PRR14L: variants seen among roughly 807,000 people sequenced by gnomAD.
PRR14L encodes the protein proline rich 14 like, also known as protein PRR14L.
A neutral mutation model predicts 155.0 loss-of-function variants in PRR14L; 80 were observed. That is an observed-to-expected ratio of 0.52 (90% CI 0.43 to 0.62). PRR14L has a LOEUF of 0.62. Among genes scored for constraint, PRR14L ranks in the 20% least tolerant of loss-of-function variants. The probability of loss-of-function intolerance (pLI) is 0.00; values close to 1 mark genes in which losing one functional copy is unlikely to be tolerated. For missense variants in PRR14L, 2,469 were observed against 2,548.0 expected, an observed-to-expected ratio of 0.97 and a Z score of 0.67; for synonymous variants, 883 against 916.0, an observed-to-expected ratio of 0.96 and a Z score of 0.65.
chr22:31,687,501 G>A (rs987250395), intron 8 of PRR14L, among the ~76,000 whole-genome samples: 5 of 151,346 alleles, frequency 3.3e-5, no homozygotes, highest in Admixed American at 1.3e-4. Context: ...TTACAGGTGT[G>A]AGCCACCATG....
chr22:31,749,339 G>A (rs2074858947), intron 1 of PRR14L, among the ~76,000 whole-genome samples: 1 of 152,150 alleles, frequency 6.6e-6, no homozygotes, highest in East Asian at 1.9e-4. Context: ...AGAAGCGAGG[G>A]TCTCTCTGTG....
At chr22:31,717,535 A>G (rs2074667082) in intron 3 of PRR14L, among the ~76,000 whole-genome samples, 1 of 152,216 alleles carries the variant, frequency 6.6e-6, no homozygotes, top group South Asian at 2.1e-4. Flanking sequence ...TTTAATACAG[A>G]GTTCACAGAT....
rs1248321521 is a variant in PRR14L, at chr22:31,729,207, A to AATTT, written c.475-3601_475-3598dup. On this transcript the variant is annotated intron_variant, in intron 2 of 8. Transcript: ENST00000327423. ...TCAAATCCCAAAATTATTAGTTGCA[A>AATTT]ATTTATTTATTTATTTATTTTTGAG... is the stretch of plus-strand genomic sequence containing the variant. Among the ~76,000 whole-genome samples, 18 of 152,142 alleles carry AATTT rather than the reference A, an allele frequency of 1.2e-4. No individual in the cohort carries two copies. In the South Asian group the frequency reaches 2.1e-3, roughly 18 times the overall value.
rs567744893 is a variant in PRR14L, at chr22:31,685,109, C to A, written c.*418G>T. On this transcript the variant is annotated 3_prime_UTR_variant, in exon 9 of 9. Transcript: ENST00000327423. The stretch of plus-strand genomic sequence containing the variant: ...ACGCCAGGTCCCCCTCCCTAGGCCA[C>A]GTTTCTAATAATCTTGGTCTAGCAC... 6.9e-5 allele frequency: 12 copies of A among 173,020 alleles called. No individual in the cohort carries two copies. Among genetic ancestry groups the A allele is most frequent in the Admixed American group, 6.0e-4 (11 of 18,316 alleles). The allele number at this position is 173,020 out of a possible 1,614,324, so 10.7% of individuals were successfully genotyped here. A position where few individuals can be genotyped will look rare whatever the true frequency, so the allele number is the denominator to read the frequency against.
At position 31,713,173 on chromosome 22, in the gene PRR14L, G is replaced by C; in HGVS notation, c.4666C>G (p.Pro1556Ala). The change falls in exon 4 of 9, where the codon CCC (proline) becomes GCC (alanine). Residue 1556 changes from proline (P) to alanine (A), a missense_variant. This residue lies in a region of PRR14L where 2,363 missense variants were observed against 2,371.6 expected (regional missense o/e 1.00). Transcript: ENST00000327423. Reference sequence around the variant, plus strand: ...AGTCTGTGCGCTTTTGTGGGGATGGGATTGGAAGAACTCTTTAAAAAGGCA... The same window carrying C: ...AGTCTGTGCGCTTTTGTGGGGATGGCATTGGAAGAACTCTTTAAAAAGGCA... Reference protein sequence around the residue: ...SSAFLKSSSNPIPTKAHRLLS... With the variant: ...SSAFLKSSSNAIPTKAHRLLS... 2 of 1,551,930 alleles carry C rather than the reference G, an allele frequency of 1.3e-6. No homozygotes were observed. Among genetic ancestry groups the C allele is most frequent in the South Asian group, 1.2e-5 (1 of 84,054 alleles).
intron 4 of PRR14L, among the ~76,000 whole-genome samples, chr22:31,707,438 T>C (rs1048392936): frequency 6.6e-6 from 1 of 152,164 alleles, no homozygotes; most frequent in Non-Finnish European, 1.5e-5. Context: ...TGGAGTGCAG[T>C]GGCGTGATCT....
chr22:31,748,649 G>T (rs749882431), intron 1 of PRR14L, among the ~76,000 whole-genome samples: 1 of 152,176 alleles, frequency 6.6e-6, no homozygotes, highest in Admixed American at 6.5e-5. Context: ...GCCCACTTGG[G>T]GGGGTGGGAA....
rs1006958308 is a variant in PRR14L, at chr22:31,715,030, C to G, written c.2809G>C (p.Gly937Arg). The change falls in exon 4 of 9, where the codon GGT becomes CGT. Residue 937 changes from glycine to arginine, a missense_variant. By Grantham distance (125) the Gly-to-Arg change is moderately radical. Coordinates refer to ENST00000327423, the MANE Select transcript of PRR14L (RefSeq NM_173566.3). ...GACTGGTCCAACACTTTTTCAGGAC[C>G]TGGAATGTTTACAGTCTGGTTTAGT... ...QELNQTVNIPGPEKVLDQSPT... is the reference protein window; with the variant it reads ...QELNQTVNIPRPEKVLDQSPT... 1.9e-6 allele frequency: 3 copies of G among 1,551,800 alleles called. No homozygotes were observed. The highest frequency in any genetic ancestry group is 2.7e-5 in the African/African-American group (2 of 73,038).
At chr22:31,735,426 G>C (rs2074773839) in intron 2 of PRR14L, among the ~76,000 whole-genome samples, 1 of 146,500 alleles carries the variant, frequency 6.8e-6, no homozygotes, top group Admixed American at 6.9e-5. Context: ...GGGTGACAGA[G>C]CAAGAATCTG....
At position 31,715,049 on chromosome 22, in the gene PRR14L, G is replaced by A; in HGVS notation, c.2790C>T (p.Asn930=). ...CAGGACCTGGAATGTTTACAGTCTG[G>A]TTTAGTTCTTGTATAGCATGATCAG... is the stretch of plus-strand genomic sequence containing the variant. The part of the protein sequence containing the change: ...NISDHAIQEL[N]QTVNIPGPEK... Residue 930 remains asparagine, a synonymous_variant, in exon 4 of 9, where the codon AAC becomes AAT. Transcript: ENST00000327423. 6.4e-7 allele frequency: 1 copy of A among 1,551,676 alleles called. No homozygotes were observed. The highest frequency in any genetic ancestry group is 8.7e-7 in the Non-Finnish European group (1 of 1,146,820).
chr22:31,727,635 G>A (rs2074723924), intron 2 of PRR14L, among the ~76,000 whole-genome samples: 1 of 152,136 alleles, frequency 6.6e-6, no homozygotes, highest in African/African-American at 2.4e-5. Context: ...ATCCCTCACA[G>A]GAAGGCTGGA....
chr22:31,716,928 A>C lies in PRR14L; in HGVS notation c.911T>G (p.Leu304Arg). The C allele has an allele frequency of 6.4e-7, 1 of 1,552,038 alleles. No individual in the cohort carries two copies. Among genetic ancestry groups the C allele is most frequent in the Non-Finnish European group, 8.7e-7 (1 of 1,147,080 alleles). The change falls in exon 4 of 9, where the codon CTG becomes CGG. Residue 304 changes from leucine to arginine, a missense_variant. Coordinates refer to ENST00000327423, the MANE Select transcript of PRR14L (RefSeq NM_173566.3). ...GTGATTGTCATCTGCTTCACAGACC[A>C]GGTTTGGTTTACACAACTCTTCCTT... ...NGKEELCKPN[L>R]VCEADDNHQQ...
chr22:31,713,480 G>T lies in PRR14L; in HGVS notation c.4359C>A (p.Ala1453=). 6.4e-7 allele frequency: 1 copy of T among 1,551,956 alleles called. No homozygotes were observed. Among genetic ancestry groups the T allele is most frequent in the Non-Finnish European group, 8.7e-7 (1 of 1,147,064 alleles). The change falls in exon 4 of 9, where the codon GCC becomes GCA. Residue 1453 remains alanine, a synonymous_variant. Coordinates refer to ENST00000327423, the MANE Select transcript of PRR14L (RefSeq NM_173566.3). ...MINEITLAKL[A]KDSIVAQTQK... is the part of the protein sequence containing the mutation. ...GAGTCTGTGCCACAATGCTGTCCTT[G>T]GCCAGCTTTGCTAGGGTGATTTCAT...
chr22:31,736,477 T>C (rs2074782302), intron 2 of PRR14L, among the ~76,000 whole-genome samples: 1 of 151,850 alleles, frequency 6.6e-6, no homozygotes, highest in South Asian at 2.1e-4. Flanking sequence ...TCATAGTCAC[T>C]GTATGAAGCC....
intron 3 of PRR14L, among the ~76,000 whole-genome samples, chr22:31,719,084 GAACAAAACAA>G (rs201421603): frequency 5.3e-5 from 8 of 151,178 alleles, no homozygotes; most frequent in African/African-American, 1.5e-4. Flanking sequence ...AAAAAACAAA[GAACAAAACAA>G]AACAAAACAA....
At chr22:31,749,478 G>A (rs185563981) in intron 1 of PRR14L, among the ~76,000 whole-genome samples, 39 of 152,308 alleles carry the variant, frequency 2.6e-4, no homozygotes, top group Admixed American at 1.0e-3. Context: ...TTCTTACTGG[G>A]AAGAAAGATC....
intron 7 of PRR14L, among the ~76,000 whole-genome samples, chr22:31,692,214 T>A (rs1013764633): frequency 1.3e-5 from 2 of 152,154 alleles, no homozygotes; most frequent in African/African-American, 4.8e-5. Context: ...TGTTGGGTCA[T>A]ATGGTAACTA....
In PRR14L at chr22:31,716,724, C is replaced by T. The variant is rs749995603; in HGVS notation, c.1115G>A (p.Arg372Lys). 3.5e-5 allele frequency: 55 copies of T among 1,551,718 alleles called. No individual in the cohort carries two copies. Among genetic ancestry groups the T allele is most frequent in the Non-Finnish European group, 4.5e-5 (52 of 1,147,006 alleles). ...AGAACTGTCTGTCTTTTCAGCAGAT[C>T]TCTTTAGCAAACCACCACCTTCAAA... The part of the protein sequence containing the change: ...CGFEGGGLLK[R>K]SAEKTDSSYF... Residue 372 changes from arginine to lysine, a missense_variant, in exon 4 of 9, where the codon AGA (arginine) becomes AAA (lysine). Coordinates refer to ENST00000327423, the MANE Select transcript of PRR14L (RefSeq NM_173566.3).
At position 31,715,302 on chromosome 22, in the gene PRR14L, C is replaced by G; in HGVS notation, c.2537G>C (p.Ser846Thr). ...QGTGHSVEKS[S>T]CKVSYTSQER... The stretch of plus-strand genomic sequence containing the variant: ...CTGTGATGTGTAACTCACTTTACAG[C>G]TGCTTTTTTCCACAGAGTGTCCTGT... The change falls in exon 4 of 9, where the codon AGC becomes ACC. Residue 846 changes from serine (S) to threonine (T), a missense_variant. Around this residue, in one of 2 missense-constraint regions of PRR14L, gnomAD observed 2,363 missense variants for 2,371.6 expected, o/e 1.00. Coordinates refer to ENST00000327423, the MANE Select transcript of PRR14L (RefSeq NM_173566.3). 1 of 1,552,172 alleles carries G rather than the reference C, an allele frequency of 6.4e-7. No homozygotes were observed. The highest frequency in any genetic ancestry group is 2.0e-5 in the Admixed American group (1 of 51,012).
Sources: gnomAD v4.1 joint callset for allele counts (sites outside exome capture counted in the v4.1 genomes callset) on GRCh38, gnomAD v4.1.1 for gene constraint, gnomAD v4.1.1 regional missense constraint, MANE v1.5 for transcripts, NCBI Gene and HGNC (gene_info 2026-07-23, HGNC 2026-07-21) for gene names.